RYR2: variants seen among roughly 807,000 people sequenced by gnomAD.
The protein encoded by RYR2 is cardiac muscle ryanodine receptor-calcium release channel.
RYR2 carries 227 observed loss-of-function variants against 601.1 expected under a neutral mutation model. The ratio of observed to expected loss-of-function variants is 0.38; its 90% CI spans 0.34 to 0.42. The LOEUF (loss-of-function observed/expected upper bound fraction) is 0.42. Ranked by LOEUF, RYR2 falls within the 10% of genes least tolerant of loss-of-function variation. RYR2 has a pLI of 1.00. For missense variants in RYR2, 4,646 were observed against 6,156.5 expected (o/e 0.75, Z 8.21); for synonymous variants, 2,223 against 2,175.1 (o/e 1.02, Z -0.61).
rs35085689 is a variant in RYR2 at position 237,694,293 on chromosome 1, C to CAA, written c.9068-4656_9068-4655dup. Among the ~76,000 whole-genome samples the CAA allele has an allele frequency of 1.3e-3, 122 of 91,810 alleles. 1 individual carries two copies. The highest frequency in any genetic ancestry group is 2.4e-3 in the African/African-American group (60 of 24,724). The allele number at this position is 91,810 out of a possible 152,430, so 60.2% of individuals were successfully genotyped here. A position where few individuals can be genotyped will look rare whatever the true frequency, so the allele number is the denominator to read the frequency against. Reference sequence around the variant, plus strand: ...TGGGCGACACGGCGAGACTCCCTCTCAAAAAAAAAAAAAAAAAGAAAAATT... The same window carrying CAA: ...TGGGCGACACGGCGAGACTCCCTCTCAAAAAAAAAAAAAAAAAAAGAAAAATT... On this transcript the variant is annotated intron_variant, in intron 63 of 104. Transcript: ENST00000366574.
chr1:237,308,596 G>C (rs1377933105), intron 2 of RYR2, among the ~76,000 whole-genome samples: 4 of 152,156 alleles, frequency 2.6e-5, no homozygotes, highest in Non-Finnish European at 4.4e-5. Context: ...TGTTCTTTCT[G>C]ATGCTCAGAT....
intron 5 of RYR2, among the ~76,000 whole-genome samples, chr1:237,369,004 A>C (rs577312402): frequency 1.1e-4 from 17 of 151,780 alleles, no homozygotes; most frequent in African/African-American, 3.4e-4. Context: ...TTGTAGTTTT[A>C]CTAGAGATGG....
At chr1:237,298,114 T>C (rs1692987024) in intron 2 of RYR2, among the ~76,000 whole-genome samples, 1 of 152,126 alleles carries the variant, frequency 6.6e-6, no homozygotes, top group Non-Finnish European at 1.5e-5. Context: ...CATTTGTTCC[T>C]TCAGAAACAA....
rs141207830 is a variant in RYR2 at position 237,302,148 on chromosome 1, A to G, written c.169-28730A>G. 2.3e-3 allele frequency among the ~76,000 whole-genome samples: 343 copies of G among 152,318 alleles called. 1 individual carries two copies. Among genetic ancestry groups the G allele is most frequent in the African/African-American group, 7.1e-3 (297 of 41,572 alleles). ...ATAAAACTTAGAGTGATCATTAATG[A>G]CATATTTTTAAAAATACCAAGCCTC... On this transcript the variant is annotated intron_variant, in intron 2 of 104. Coordinates refer to ENST00000366574, the MANE Select transcript of RYR2 (RefSeq NM_001035.3).
At chr1:237,777,628 T>C (rs1694771097) in intron 87 of RYR2, among the ~76,000 whole-genome samples, 1 of 152,170 alleles carries the variant, frequency 6.6e-6, no homozygotes, top group Non-Finnish European at 1.5e-5. Context: ...CATTGGAAAG[T>C]GAAAACAGAA....
At chr1:237,521,088 C>T (rs944335346) in intron 24 of RYR2, among the ~76,000 whole-genome samples, 1 of 152,072 alleles carries the variant, frequency 6.6e-6, no homozygotes, top group African/African-American at 2.4e-5. Context: ...ATGAAAAGCC[C>T]AGGATCAGAT....
chr1:237,814,088 C>A (rs931920444), intron 100 of RYR2, among the ~76,000 whole-genome samples: 8 of 152,172 alleles, frequency 5.3e-5, no homozygotes, highest in African/African-American at 1.9e-4. Context: ...ATTGACATTC[C>A]AATTGTAGCG....
At chr1:237,579,252 T>C (rs1482552360) in intron 29 of RYR2, among the ~76,000 whole-genome samples, 140 of 113,924 alleles carry the variant, frequency 1.2e-3, no homozygotes, top group East Asian at 3.2e-3. Context: ...CTTCTTCTTT[T>C]TTTTTTTTTT....
chr1:237,496,763 T>C lies in RYR2; in HGVS notation c.2203+11T>C. The C allele has an allele frequency of 6.3e-7, 1 of 1,595,524 alleles. No homozygotes were observed. Among genetic ancestry groups the C allele is most frequent in the Non-Finnish European group, 8.6e-7 (1 of 1,167,670 alleles). The stretch of plus-strand genomic sequence containing the variant: ...TTCATCTCTGGTCAGGTACGTACTA[T>C]CCATTTTCTTTCACCGTGTTCCAGA... On this transcript the variant is annotated intron_variant, in intron 20 of 104. Coordinates refer to ENST00000366574, the MANE Select transcript of RYR2 (RefSeq NM_001035.3).
chr1:237,580,175 G>A (rs1673744787), intron 29 of RYR2, among the ~76,000 whole-genome samples: 3 of 70,022 alleles, frequency 4.3e-5, no homozygotes, highest in South Asian at 9.5e-4. Flanking sequence ...TTTTTTTTGA[G>A]ACGGAGTTTT....
intron 37 of RYR2, among the ~76,000 whole-genome samples, chr1:237,615,067 G>A (rs1414044304): frequency 6.6e-6 from 1 of 152,018 alleles, no homozygotes; most frequent in East Asian, 1.9e-4. Context: ...TGGAATACCT[G>A]AAATACAAGC....
chr1:237,796,501 T>G (rs969979505), intron 96 of RYR2, among the ~76,000 whole-genome samples: 16 of 152,176 alleles, frequency 1.1e-4, no homozygotes, highest in Non-Finnish European at 2.2e-4. Context: ...ACCTAAGTAG[T>G]TCATGTTCAT....
At chr1:237,521,546 CCTGTCTCTA>C (rs66516086) in intron 24 of RYR2, among the ~76,000 whole-genome samples, 35,811 of 151,464 alleles carry the variant, frequency 0.24, 4,652 homozygotes, top group South Asian at 0.39. Flanking sequence ...ATGGTGAAAC[CCTGTCTCTA>C]CTAAAATTAT....
chr1:237,126,828 A>G (rs1184802245), intron 1 of RYR2, among the ~76,000 whole-genome samples: 1 of 151,302 alleles, frequency 6.6e-6, no homozygotes, highest in Non-Finnish European at 1.5e-5. Flanking sequence ...GGTGTTTCTC[A>G]CAGAGGGGGA....
intron 100 of RYR2, among the ~76,000 whole-genome samples, chr1:237,811,487 T>C (rs1436457062): frequency 6.6e-6 from 1 of 152,242 alleles, no homozygotes; most frequent in African/African-American, 2.4e-5. Flanking sequence ...TGTCATTCTT[T>C]AGCTTTTCAA....
chr1:237,759,799 GA>G lies in RYR2; in HGVS notation c.11354del (p.Lys3785ArgfsTer12). 6.2e-7 allele frequency: 1 copy of G among 1,612,932 alleles called. No homozygotes were observed. The highest frequency in any genetic ancestry group is 1.7e-5 in the Admixed American group (1 of 59,966). On this transcript the variant is annotated frameshift_variant, in exon 83 of 105. Coordinates refer to ENST00000366574, the MANE Select transcript of RYR2 (RefSeq NM_001035.3). LOFTEE classifies it high-confidence loss of function. ...QQKMLDYLKE[K>X]KDVGFFQSLA... is the part of the protein sequence containing the mutation. ...AGAAAATGCTTGACTACCTCAAGGAGAAAAAGGATGTGGGCTTCTTTCAGAG... is the reference window on the plus strand; with the variant it reads ...AGAAAATGCTTGACTACCTCAAGGAGAAAAGGATGTGGGCTTCTTTCAGAG...
intron 35 of RYR2, 105 bp downstream of exon 35, chr1:237,602,216 A>G (rs1456550071): frequency 1.4e-6 from 1 of 719,058 alleles, no homozygotes; most frequent in African/African-American, 1.8e-5. Flanking sequence ...TATGAATCAA[A>G]TAAATCATTC....
chr1:237,667,393 G>A (rs1324698141), intron 57 of RYR2, among the ~76,000 whole-genome samples: 4 of 152,208 alleles, frequency 2.6e-5, no homozygotes, highest in Non-Finnish European at 5.9e-5. Context: ...GAAAGAATCC[G>A]GGAGGTAATC....
At chr1:237,292,893 C>T (rs1046646821) in intron 2 of RYR2, among the ~76,000 whole-genome samples, 1 of 152,052 alleles carries the variant, frequency 6.6e-6, no homozygotes, top group Non-Finnish European at 1.5e-5. Context: ...CATTTATTGT[C>T]TGGCCAGTAC....
Sources: gnomAD v4.1 joint callset for allele counts (sites outside exome capture counted in the v4.1 genomes callset) on GRCh38, gnomAD v4.1.1 for gene constraint, MANE v1.5 for transcripts, NCBI Gene and HGNC (gene_info 2026-07-23, HGNC 2026-07-21) for gene names.